The following FGF12 variants were observed in gnomAD, a reference collection of about 807,000 sequenced individuals.
FGF12 encodes the protein fibroblast growth factor 12B.
In FGF12, 14 loss-of-function variants were observed where a neutral mutation model predicts 23.6. The ratio of observed to expected loss-of-function variants is 0.59; its 90% confidence interval spans 0.39 to 0.93. FGF12 has a LOEUF of 0.93. Among genes scored for constraint, FGF12 ranks in the 40% least tolerant of loss-of-function variants. The pLI, the probability that FGF12 is intolerant of heterozygous loss-of-function variation, is 0.00. For missense variants in FGF12, 175 were observed against 217.8 expected (o/e 0.80, Z 1.24); for synonymous variants, 62 against 77.3 (o/e 0.80, Z 1.04).
At chr3:192,596,414 A>G (rs964105523) in intron 2 of FGF12, among the ~76,000 whole-genome samples, 2 of 152,038 alleles carry the variant, frequency 1.3e-5, no homozygotes, top group African/African-American at 4.8e-5. Context: ...ACAATGATAC[A>G]TTTCTATGTA....
At chr3:192,528,335 G>T (rs1725004155) in intron 2 of FGF12, among the ~76,000 whole-genome samples, 1 of 152,168 alleles carries the variant, frequency 6.6e-6, no homozygotes, top group African/African-American at 2.4e-5. Context: ...GCTCCAAAAT[G>T]ATCTCCTTTG....
At chr3:192,210,122 A>T (rs1346424853) in intron 4 of FGF12, among the ~76,000 whole-genome samples, 1 of 151,606 alleles carries the variant, frequency 6.6e-6, no homozygotes, top group Admixed American at 6.6e-5. Flanking sequence ...TACAACTGTG[A>T]TCCTTGAGAG....
chr3:192,514,936 G>A lies in FGF12; in HGVS notation c.14-154398C>T, dbSNP rs1724616226. ...GCCGGCAGGGGGCGGGCCGGGACGC[G>A]GAAGTGCCGGTCCGCCGGGGGCAGC... On this transcript the variant is annotated intron_variant, in intron 2 of 5. Coordinates refer to ENST00000445105, the MANE Select transcript of FGF12 (RefSeq NM_004113.6). This position sits in a 1 kb window ranked among gnomAD's most constrained non-coding sequence, Gnocchi z 4.9. The A allele has an allele frequency of 4.4e-6, 4 of 919,236 alleles. No homozygotes were observed. The highest frequency in any genetic ancestry group is 5.4e-4 in the Middle Eastern group (1 of 1,836). The allele number at this position is 919,236 out of a possible 1,614,324, so 56.9% of individuals were successfully genotyped here. A position where few individuals can be genotyped will look rare whatever the true frequency, so the allele number is the denominator to read the frequency against.
intron 2 of FGF12, among the ~76,000 whole-genome samples, chr3:192,362,315 G>T (rs957901293): frequency 1.3e-5 from 2 of 152,126 alleles, no homozygotes; most frequent in Non-Finnish European, 2.9e-5. Flanking sequence ...GTATACATGT[G>T]CCATGCTGGT....
chr3:192,704,345 C>T (rs1323923282), intron 2 of FGF12, among the ~76,000 whole-genome samples: 5 of 152,144 alleles, frequency 3.3e-5, no homozygotes, highest in Non-Finnish European at 7.3e-5. Context: ...TGTTAGCAGG[C>T]ATAAAAACAA....
Position 192,336,158 on chromosome 3 carries a change from C to CTA in FGF12, c.125-696_125-695dup, listed in dbSNP as rs1202951072. ...ACACATATACACACATATATACATA[C>CTA]TATATATATACAAATATATATACAC... On this transcript the variant is annotated intron_variant, in intron 3 of 5. Coordinates refer to ENST00000445105, the MANE Select transcript of FGF12 (RefSeq NM_004113.6). The surrounding 1 kb of genome is among the most constrained non-coding windows in gnomAD (Gnocchi z 4.3). Among the ~76,000 whole-genome samples the CTA allele has an allele frequency of 1.4e-5, 2 of 148,036 alleles. No individual in the cohort carries two copies. Among genetic ancestry groups the CTA allele is most frequent in the South Asian group, 2.2e-4 (1 of 4,644 alleles).
chr3:192,188,070 G>A (rs565221221), intron 4 of FGF12, among the ~76,000 whole-genome samples: 1 of 152,274 alleles, frequency 6.6e-6, no homozygotes, highest in Non-Finnish European at 1.5e-5. Context: ...AAGGAGAGTA[G>A]TGGCCTCATG....
chr3:192,636,446 A>C (rs1227862348), intron 2 of FGF12, among the ~76,000 whole-genome samples: 2 of 152,216 alleles, frequency 1.3e-5, no homozygotes, highest in Non-Finnish European at 2.9e-5. Context: ...AACAACCACT[A>C]TAAACTACCA....
chr3:192,421,039 G>A (rs866787271), intron 2 of FGF12, among the ~76,000 whole-genome samples: 8 of 152,076 alleles, frequency 5.3e-5, no homozygotes, highest in East Asian at 1.9e-4. Context: ...AGAGATATTC[G>A]ACGAGAATCG....
At chr3:192,379,443 C>T (rs977725878) in intron 2 of FGF12, among the ~76,000 whole-genome samples, 3 of 139,668 alleles carry the variant, frequency 2.1e-5, no homozygotes, top group African/African-American at 8.2e-5. Context: ...AAAAAAAAAG[C>T]CTATCTTTTT....
chr3:192,201,104 C>A (rs1717345856), intron 4 of FGF12, among the ~76,000 whole-genome samples: 1 of 152,160 alleles, frequency 6.6e-6, no homozygotes, highest in Admixed American at 6.5e-5. Flanking sequence ...TATCTCTTTA[C>A]TAAGTTAGCT....
intron 2 of FGF12, among the ~76,000 whole-genome samples, chr3:192,444,227 G>A (rs1001405676): frequency 6.6e-6 from 1 of 152,012 alleles, no homozygotes; most frequent in Non-Finnish European, 1.5e-5. Flanking sequence ...AGTTCTCTCC[G>A]GTCTGACCTT....
At chr3:192,638,410 T>C (rs575775637) in intron 2 of FGF12, among the ~76,000 whole-genome samples, 1 of 152,196 alleles carries the variant, frequency 6.6e-6, no homozygotes. Flanking sequence ...TACTCAATTG[T>C]GTAAAGCTTT....
intron 2 of FGF12, among the ~76,000 whole-genome samples, chr3:192,456,934 A>C (rs1722699793): frequency 6.6e-6 from 1 of 152,172 alleles, no homozygotes; most frequent in South Asian, 2.1e-4. Flanking sequence ...TTATACTCCC[A>C]TAATTCCCAT....
chr3:192,276,038 G>T (rs972105924), intron 4 of FGF12, among the ~76,000 whole-genome samples: 1 of 152,094 alleles, frequency 6.6e-6, no homozygotes, highest in Non-Finnish European at 1.5e-5. Flanking sequence ...ATGGAATAAC[G>T]TTACTTACTT....
At chr3:192,188,089 C>T (rs1231440907) in intron 4 of FGF12, among the ~76,000 whole-genome samples, 1 of 152,150 alleles carries the variant, frequency 6.6e-6, no homozygotes, top group East Asian at 1.9e-4. Context: ...TGTATTTATT[C>T]ATCAATGTAT....
chr3:192,141,158 T>C lies in FGF12; in HGVS notation c.*2851A>G, dbSNP rs9811990. 2.1e-4 allele frequency: 20 copies of C among 94,594 alleles called. No homozygotes were observed. The highest frequency in any genetic ancestry group is 8.3e-4 in the African/African-American group (20 of 24,146). The allele number at this position is 94,594 out of a possible 1,614,324, so 5.9% of individuals were successfully genotyped here. On this transcript the variant is annotated 3_prime_UTR_variant, in exon 6 of 6. Coordinates refer to ENST00000445105, the MANE Select transcript of FGF12 (RefSeq NM_004113.6). ...AAAAAAAAAAAAAAAAAAAAAAGCT[T>C]ATTTTACTTAAAAAGGAAAAGTGAC...
chr3:192,601,952 A>G (rs571460092), intron 2 of FGF12, among the ~76,000 whole-genome samples: 1 of 152,304 alleles, frequency 6.6e-6, no homozygotes, highest in East Asian at 1.9e-4. Flanking sequence ...CAGTTGGTTG[A>G]ATCCACAGAT....
At chr3:192,390,366 AG>A (rs1161784799) in intron 2 of FGF12, among the ~76,000 whole-genome samples, 1 of 152,196 alleles carries the variant, frequency 6.6e-6, no homozygotes, top group African/African-American at 2.4e-5. Context: ...ATCTCACCAA[AG>A]TACAGTCATT....
Sources: allele counts gnomAD v4.1 joint callset (sites outside exome capture counted in the v4.1 genomes callset), GRCh38; gene constraint gnomAD v4.1.1; non-coding constraint Gnocchi (gnomAD v3.1); transcripts MANE v1.5; gene names NCBI Gene and HGNC (gene_info 2026-07-23, HGNC 2026-07-21).